The following NLK variants were observed in gnomAD, a reference collection of about 807,000 sequenced individuals.
NLK encodes the protein nemo like kinase.
In NLK, 11 loss-of-function variants were observed where a neutral mutation model predicts 59.0. The observed-to-expected ratio is 0.19, with a 90% confidence interval of 0.12 to 0.31. The LOEUF is 0.31. Ranked by LOEUF, NLK falls within the 10% of genes least tolerant of loss-of-function variation. The pLI, the probability that NLK is intolerant of heterozygous loss-of-function variation, is 1.00. For synonymous variants in NLK, 235 were observed against 235.9 expected, an observed-to-expected ratio of 1.00 and a Z score of 0.03; for missense variants, 410 against 661.1, an observed-to-expected ratio of 0.62 and a Z score of 4.16.
downstream of NLK, among the ~76,000 whole-genome samples, chr17:28,199,665 C>CAAAAAAAAAAAAAAAAAAA (rs1303411168): frequency 3.0e-5 from 1 of 33,574 alleles, no homozygotes; most frequent in African/African-American, 1.1e-4. Context: ...GACTCTGTCT[C>CAAAAAAAAAAAAAAAAAAA]AAAAAAAAAA....
chr17:28,163,704 G>T (rs1908105543), intron 5 of NLK, 76 bp downstream of exon 5: 6 of 873,578 alleles, frequency 6.9e-6, no homozygotes, highest in South Asian at 4.8e-5. Context: ...ATATTTTTGT[G>T]AAAGAAAGAA....
intron 1 of NLK, among the ~76,000 whole-genome samples, chr17:28,067,648 G>A (rs1012751920): frequency 6.6e-6 from 1 of 151,952 alleles, no homozygotes; most frequent in Non-Finnish European, 1.5e-5. Context: ...TGGGCAGTTA[G>A]CATGGAGATA....
chr17:28,091,807 A>G (rs961479845), intron 1 of NLK, among the ~76,000 whole-genome samples: 9 of 152,198 alleles, frequency 5.9e-5, no homozygotes, highest in African/African-American at 1.7e-4. Context: ...TGTGCAACCA[A>G]TCCAACTGAA....
intron 7 of NLK, among the ~76,000 whole-genome samples, chr17:28,179,548 T>C (rs1351431327): frequency 2.7e-5 from 4 of 147,786 alleles, no homozygotes. Flanking sequence ...CTGGCCAACA[T>C]GGTGAAAGCC....
chr17:28,116,870 C>T (rs1905798020), intron 1 of NLK, among the ~76,000 whole-genome samples: 3 of 152,148 alleles, frequency 2.0e-5, no homozygotes, highest in East Asian at 1.9e-4. Context: ...GTTTTACTTG[C>T]GCTTTGTGAC....
chr17:28,055,095 CTTTTTTTTTTTTTTTT>C (rs1262267748), intron 1 of NLK, among the ~76,000 whole-genome samples: 1 of 132,136 alleles, frequency 7.6e-6, no homozygotes, highest in Non-Finnish European at 1.6e-5. Flanking sequence ...ATTTTTTTTT[CTTTTTTTTTTTTTTTT>C]GAGACGGATT....
At chr17:28,056,825 CCCTA>C (rs750421995) in intron 1 of NLK, among the ~76,000 whole-genome samples, 148 of 151,594 alleles carry the variant, frequency 9.8e-4, no homozygotes, top group African/African-American at 3.0e-3. Flanking sequence ...CATATCATTC[CCCTA>C]CCTATTTTTT....
At chr17:28,199,758 T>C (rs1002478986), downstream of NLK, among the ~76,000 whole-genome samples, 1 of 151,180 alleles carries the variant, frequency 6.6e-6, no homozygotes, top group Admixed American at 6.6e-5. Flanking sequence ...AAAAAAGTTA[T>C]TGAGTTCTAC....
intron 1 of NLK, among the ~76,000 whole-genome samples, chr17:28,043,646 C>A (rs1193589970): frequency 1.3e-5 from 2 of 152,152 alleles, no homozygotes; most frequent in African/African-American, 4.8e-5. Context: ...CTAATTCCTA[C>A]GAAGACCTTG....
chr17:28,114,389 C>T (rs1316888896), intron 1 of NLK, among the ~76,000 whole-genome samples: 1 of 152,136 alleles, frequency 6.6e-6, no homozygotes, highest in African/African-American at 2.4e-5. Context: ...CACTTCATCT[C>T]AACAAAACAT....
intron 1 of NLK, among the ~76,000 whole-genome samples, chr17:28,118,210 T>C (rs1024120232): frequency 6.6e-6 from 1 of 152,122 alleles, no homozygotes; most frequent in South Asian, 2.1e-4. Flanking sequence ...TAGAGTTTAG[T>C]TAGGAGGTTC....
chr17:28,161,052 C>A (rs769597967), intron 3 of NLK, 108 bp from the exon 4 acceptor site: 35 of 640,486 alleles, frequency 5.5e-5, no homozygotes, highest in Non-Finnish European at 8.7e-5. Flanking sequence ...AGCTTTCTTT[C>A]CCCACTTTTC....
intron 1 of NLK, among the ~76,000 whole-genome samples, chr17:28,083,070 G>A (rs1184397415): frequency 3.3e-5 from 5 of 152,156 alleles, no homozygotes; most frequent in African/African-American, 1.2e-4. Flanking sequence ...CTGTTCTTAT[G>A]ATACCATTCC....
rs367935752 is a variant in NLK at position 28,056,175 on chromosome 17, A to G, written c.458+12844A>G. Among the ~76,000 whole-genome samples, 35 of 152,336 alleles carry G rather than the reference A, an allele frequency of 2.3e-4. No homozygotes were observed. The East Asian group carries it at 5.4e-3, about 24-fold the overall frequency. Reference sequence around the variant, plus strand: ...TTGGGATCATGATCACACTGTATTTACAATTTTGTATCCTGTTTGTTTCAC... The same window carrying G: ...TTGGGATCATGATCACACTGTATTTGCAATTTTGTATCCTGTTTGTTTCAC... On this transcript the variant is annotated intron_variant, in intron 1 of 10. Transcript: ENST00000407008.
chr17:28,111,086 C>T lies in NLK; in HGVS notation c.459-11517C>T, dbSNP rs117415594. 4.3e-3 allele frequency among the ~76,000 whole-genome samples: 657 copies of T among 152,234 alleles called. 6 individuals carry two copies. Among genetic ancestry groups the T allele is most frequent in the African/African-American group, 0.014 (600 of 41,530 alleles). ...GTCTCGATCTCCTGACCTCGTGATC[C>T]GCCCGCTCCTTTAATTCTTTGAGCA... On this transcript the variant is annotated intron_variant, in intron 1 of 10. Coordinates refer to ENST00000407008, the MANE Select transcript of NLK (RefSeq NM_016231.5).
At chr17:28,201,119 G>A (rs535637861), downstream of NLK, among the ~76,000 whole-genome samples, 12 of 152,176 alleles carry the variant, frequency 7.9e-5, no homozygotes, top group South Asian at 8.3e-4. Flanking sequence ...TCCCTCTGTC[G>A]CCCAGACTGG....
chr17:28,111,919 G>C (rs898772274), intron 1 of NLK, among the ~76,000 whole-genome samples: 10 of 147,592 alleles, frequency 6.8e-5, no homozygotes, highest in African/African-American at 1.7e-4. Flanking sequence ...GTGTGTGTGT[G>C]TGTGTGTGTG....
At chr17:28,091,621 A>G (rs1033618349) in intron 1 of NLK, among the ~76,000 whole-genome samples, 5 of 152,160 alleles carry the variant, frequency 3.3e-5, no homozygotes, top group Admixed American at 3.3e-4. Context: ...TCTACCAAAT[A>G]AAAGTTATTC....
chr17:28,139,776 A>G (rs930405750), intron 3 of NLK, among the ~76,000 whole-genome samples: 1 of 152,192 alleles, frequency 6.6e-6, no homozygotes, highest in Admixed American at 6.5e-5. Context: ...ATTTGAACCC[A>G]TATTGTATAG....
Sources: gnomAD v4.1 joint callset for allele counts (sites outside exome capture counted in the v4.1 genomes callset) on GRCh38, gnomAD v4.1.1 for gene constraint, MANE v1.5 for transcripts, NCBI Gene and HGNC (gene_info 2026-07-23, HGNC 2026-07-21) for gene names.